SORCS3: variants seen among roughly 807,000 people sequenced by gnomAD.
SORCS3 encodes sortilin related VPS10 domain containing receptor 3, also known as VPS10 domain-containing receptor SorCS3.
In SORCS3, 57 loss-of-function variants were observed where a neutral mutation model predicts 146.3. The ratio of observed to expected loss-of-function variants is 0.39; its 90% CI spans 0.31 to 0.49. The LOEUF is 0.49. Among genes scored for constraint, SORCS3 ranks in the 20% least tolerant of loss-of-function variants. SORCS3 has a pLI of 0.92. For missense variants in SORCS3, 1,341 were observed against 1,575.5 expected, an observed-to-expected ratio of 0.85 and a Z score of 2.52; for synonymous variants, 653 against 618.5, an observed-to-expected ratio of 1.06 and a Z score of -0.83.
intron 4 of SORCS3, among the ~76,000 whole-genome samples, chr10:105,025,881 C>CACA (rs1554870021): frequency 5.1e-4 from 76 of 148,740 alleles, no homozygotes; most frequent in African/African-American, 1.1e-3. Context: ...CACACACACA[C>CACA]CTGAAGAACA....
chr10:104,788,805 G>A (rs576928757), intron 1 of SORCS3, among the ~76,000 whole-genome samples: 24 of 152,334 alleles, frequency 1.6e-4, no homozygotes, highest in African/African-American at 5.5e-4. Context: ...TCATTATTAT[G>A]TGGGATTTAT....
intron 1 of SORCS3, among the ~76,000 whole-genome samples, chr10:104,814,748 A>G (rs181442162): frequency 7.2e-5 from 11 of 152,256 alleles, no homozygotes; most frequent in Non-Finnish European, 1.5e-4. Flanking sequence ...TCATTAGGAC[A>G]TAGTAGATAC....
intron 2 of SORCS3, among the ~76,000 whole-genome samples, chr10:104,895,246 T>G (rs2017704): frequency 6.6e-6 from 1 of 152,220 alleles, no homozygotes; most frequent in African/African-American, 2.4e-5. Context: ...CATTTGCACT[T>G]ATAATCTTCA....
At chr10:104,688,769 T>C (rs920472072) in intron 1 of SORCS3, among the ~76,000 whole-genome samples, 3 of 152,174 alleles carry the variant, frequency 2.0e-5, no homozygotes, top group African/African-American at 7.2e-5. Flanking sequence ...CTTAGTTACC[T>C]GCTGTTCCAT....
At chr10:105,135,040 G>A (rs1467624616) in intron 7 of SORCS3, among the ~76,000 whole-genome samples, 1 of 152,040 alleles carries the variant, frequency 6.6e-6, no homozygotes, top group African/African-American at 2.4e-5. Flanking sequence ...AAGGAAGGAA[G>A]GAATGAGTAA....
intron 3 of SORCS3, among the ~76,000 whole-genome samples, chr10:104,964,878 C>G (rs2054817547): frequency 6.6e-6 from 1 of 152,186 alleles, no homozygotes; most frequent in African/African-American, 2.4e-5. Flanking sequence ...TCATTTCTCT[C>G]TCCGCCTAGC....
chr10:104,774,211 C>T (rs1197245506), intron 1 of SORCS3, among the ~76,000 whole-genome samples: 1 of 152,178 alleles, frequency 6.6e-6, no homozygotes, highest in African/African-American at 2.4e-5. Context: ...AATCTCGCAG[C>T]TGTCAGTGGG....
At chr10:104,851,910 T>G (rs976063971) in intron 2 of SORCS3, among the ~76,000 whole-genome samples, 3 of 152,136 alleles carry the variant, frequency 2.0e-5, no homozygotes, top group Non-Finnish European at 4.4e-5. Context: ...ATTATTTGGG[T>G]GAAAATATGT....
intron 5 of SORCS3, among the ~76,000 whole-genome samples, chr10:105,085,102 A>G (rs2055651608): frequency 6.6e-6 from 1 of 152,168 alleles, no homozygotes; most frequent in East Asian, 1.9e-4. Flanking sequence ...GTCCCTAGAG[A>G]CATTTTTGGT....
chr10:104,907,625 G>A (rs1426348422), intron 2 of SORCS3, among the ~76,000 whole-genome samples: 1 of 152,298 alleles, frequency 6.6e-6, no homozygotes. Context: ...ATTTAGAACC[G>A]GTGATGGCTC....
chr10:104,976,034 T>TG (rs554569970), intron 3 of SORCS3, among the ~76,000 whole-genome samples: 13,420 of 152,068 alleles, frequency 0.088, 720 homozygotes, highest in African/African-American at 0.17. Context: ...CCAAAAGCAA[T>TG]GGAACAAAAG....
chr10:104,702,753 T>C (rs536609564), intron 1 of SORCS3, among the ~76,000 whole-genome samples: 1 of 152,302 alleles, frequency 6.6e-6, no homozygotes, highest in East Asian at 1.9e-4. Flanking sequence ...AGGTACATGG[T>C]CTAGTGAAAT....
chr10:105,117,278 A>G (rs1043206868), intron 7 of SORCS3, among the ~76,000 whole-genome samples: 1 of 152,152 alleles, frequency 6.6e-6, no homozygotes, highest in African/African-American at 2.4e-5. Context: ...CAAAAACGAT[A>G]AACTACATAA....
intron 2 of SORCS3, among the ~76,000 whole-genome samples, chr10:104,913,504 T>C (rs1318361908): frequency 6.6e-6 from 1 of 152,184 alleles, no homozygotes; most frequent in African/African-American, 2.4e-5. Context: ...TTAGCATAAC[T>C]CATGACCATG....
At chr10:104,886,098 A>C (rs1038534384) in intron 2 of SORCS3, among the ~76,000 whole-genome samples, 3 of 152,196 alleles carry the variant, frequency 2.0e-5, no homozygotes, top group Non-Finnish European at 4.4e-5. Flanking sequence ...CAGGAGGATT[A>C]GAATTTCTCT....
intron 1 of SORCS3, among the ~76,000 whole-genome samples, chr10:104,834,242 C>A (rs2064880876): frequency 6.6e-6 from 1 of 152,166 alleles, no homozygotes; most frequent in Admixed American, 6.5e-5. Flanking sequence ...CTAAGTCCTC[C>A]ATGTAAATCC....
At chr10:104,882,090 C>T (rs1312785843) in intron 2 of SORCS3, among the ~76,000 whole-genome samples, 1 of 152,128 alleles carries the variant, frequency 6.6e-6, no homozygotes, top group East Asian at 1.9e-4. Flanking sequence ...GGTTTTGACC[C>T]TTTGACTGAT....
chr10:104,990,216 G>A (rs1449419382), intron 4 of SORCS3, among the ~76,000 whole-genome samples: 1 of 152,194 alleles, frequency 6.6e-6, no homozygotes, highest in Non-Finnish European at 1.5e-5. Flanking sequence ...GTCATGTGTG[G>A]TAACTCTGAG....
chr10:104,918,159 C>T (rs1162801630), intron 3 of SORCS3, among the ~76,000 whole-genome samples: 4 of 152,106 alleles, frequency 2.6e-5, no homozygotes, highest in African/African-American at 9.7e-5. Flanking sequence ...TTCTAGGTGG[C>T]CTCTCTAGAA....
Sources: allele counts gnomAD v4.1 joint callset (sites outside exome capture counted in the v4.1 genomes callset), GRCh38; gene constraint gnomAD v4.1.1; transcripts MANE v1.5; gene names NCBI Gene and HGNC (gene_info 2026-07-23, HGNC 2026-07-21).